PACRG: variants seen among roughly 807,000 people sequenced by gnomAD.
The protein encoded by PACRG is parkin coregulated.
Under a neutral mutation model 29.7 loss-of-function variants are expected in PACRG, and 29 were observed. That is an observed-to-expected ratio of 0.98 (90% confidence interval 0.73 to 1.33). The LOEUF is 1.33. Ranked by LOEUF, PACRG falls within the 40% of genes most tolerant of loss-of-function variation. The pLI is 0.00. For synonymous variants in PACRG, 116 were observed against 118.7 expected (o/e 0.98, Z 0.15); for missense variants, 279 against 316.2 (o/e 0.88, Z 0.89).
At chr6:163,107,484 G>C (rs1393575019) in intron 4 of PACRG, among the ~76,000 whole-genome samples, 4 of 152,300 alleles carry the variant, frequency 2.6e-5, no homozygotes, top group Middle Eastern at 6.8e-3. Flanking sequence ...ACCCCTGCCT[G>C]AATCTCCTGA....
At chr6:163,098,144 C>T (rs1814769324) in intron 4 of PACRG, among the ~76,000 whole-genome samples, 1 of 152,104 alleles carries the variant, frequency 6.6e-6, no homozygotes, top group South Asian at 2.1e-4. Flanking sequence ...GTGTGACTCC[C>T]CAGGTCCCTT....
intron 4 of PACRG, among the ~76,000 whole-genome samples, chr6:163,119,631 G>C (rs1193294613): frequency 3.3e-5 from 5 of 152,202 alleles, no homozygotes; most frequent in Admixed American, 3.3e-4. Context: ...ACCAGATATA[G>C]ACAGGAGATT....
At chr6:162,975,529 T>C (rs540067652) in intron 2 of PACRG, among the ~76,000 whole-genome samples, 6 of 152,240 alleles carry the variant, frequency 3.9e-5, no homozygotes, top group African/African-American at 1.4e-4. Context: ...TAAAGCACTC[T>C]GTTCATTTGT....
intron 4 of PACRG, among the ~76,000 whole-genome samples, chr6:163,242,639 G>T (rs11967397): frequency 0.015 from 2,296 of 152,244 alleles, 61 homozygotes; most frequent in African/African-American, 0.052. Flanking sequence ...GGGGAAATTA[G>T]GATTGCTCAT....
chr6:162,904,804 G>T (rs1795814352), intron 2 of PACRG, among the ~76,000 whole-genome samples: 1 of 152,154 alleles, frequency 6.6e-6, no homozygotes. Context: ...AAGGAAAAAA[G>T]CTTACAAAAG....
At chr6:163,068,328 G>A (rs1396742771) in intron 3 of PACRG, among the ~76,000 whole-genome samples, 1 of 152,164 alleles carries the variant, frequency 6.6e-6, no homozygotes, top group Non-Finnish European at 1.5e-5. Flanking sequence ...GGGAGGTCAT[G>A]TCTCTATCGC....
intron 1 of PACRG, among the ~76,000 whole-genome samples, chr6:162,812,462 C>T (rs1046034835): frequency 3.9e-5 from 6 of 151,982 alleles, no homozygotes; most frequent in South Asian, 2.1e-4. Flanking sequence ...CATTTATGCT[C>T]ATTTAACTTG....
chr6:163,193,562 C>T (rs1233902849), intron 4 of PACRG, among the ~76,000 whole-genome samples: 3 of 152,050 alleles, frequency 2.0e-5, no homozygotes. Context: ...CGGAACAGGG[C>T]GGCATGGTGG....
intron 1 of PACRG, among the ~76,000 whole-genome samples, chr6:162,808,016 T>C (rs536658024): frequency 7.7e-4 from 118 of 152,338 alleles, no homozygotes; most frequent in African/African-American, 2.7e-3. Context: ...TTTGCTATCA[T>C]TGAGACACCT....
intron 1 of PACRG, among the ~76,000 whole-genome samples, chr6:162,733,335 G>A (rs1779917018): frequency 6.6e-6 from 1 of 152,164 alleles, no homozygotes; most frequent in Non-Finnish European, 1.5e-5. Context: ...CTCCGTGAGG[G>A]CAGTATCCAC....
At chr6:163,157,696 G>A (rs1480860596) in intron 4 of PACRG, among the ~76,000 whole-genome samples, 1 of 152,158 alleles carries the variant, frequency 6.6e-6, no homozygotes, top group African/African-American at 2.4e-5. Context: ...AAAAGGACAC[G>A]AACCAATGTT....
At chr6:163,176,787 G>A (rs532949975) in intron 4 of PACRG, among the ~76,000 whole-genome samples, 17 of 152,318 alleles carry the variant, frequency 1.1e-4, no homozygotes, top group African/African-American at 3.6e-4. Flanking sequence ...AGGAAATAGC[G>A]TGAGTAACGT....
intron 4 of PACRG, chr6:163,095,213 C>A: frequency 1.0e-6 from 1 of 969,164 alleles, no homozygotes; most frequent in Non-Finnish European, 1.2e-6. Flanking sequence ...AATGCCTTTC[C>A]TCTTCACTGA....
At chr6:163,108,650 A>G (rs1157663091) in intron 4 of PACRG, among the ~76,000 whole-genome samples, 3 of 151,854 alleles carry the variant, frequency 2.0e-5, no homozygotes, top group Admixed American at 1.3e-4. Flanking sequence ...CAACCTCTCA[A>G]AGTGCTGGGA....
intron 2 of PACRG, among the ~76,000 whole-genome samples, chr6:162,948,468 G>T (rs1317661427): frequency 6.6e-6 from 1 of 152,034 alleles, no homozygotes; most frequent in African/African-American, 2.4e-5. Context: ...TGCTTCAGGA[G>T]ATTGGTCTAG....
intron 2 of PACRG, among the ~76,000 whole-genome samples, chr6:162,911,324 G>T (rs1264386753): frequency 6.6e-6 from 1 of 152,180 alleles, no homozygotes; most frequent in South Asian, 2.1e-4. Context: ...GAAAGTACAA[G>T]TGTGTGAGAT....
chr6:162,874,860 G>C (rs570548130), intron 2 of PACRG, among the ~76,000 whole-genome samples: 2 of 151,694 alleles, frequency 1.3e-5, no homozygotes, highest in Non-Finnish European at 2.9e-5. Flanking sequence ...CATTCACACA[G>C]ATTCTCACAC....
intron 1 of PACRG, among the ~76,000 whole-genome samples, chr6:162,755,811 C>T (rs564331336): frequency 2.6e-5 from 4 of 152,090 alleles, no homozygotes; most frequent in Non-Finnish European, 4.4e-5. Context: ...TCATTCCATA[C>T]GTTTTGGTGT....
rs1343663215 is a variant in PACRG at position 163,055,863 on chromosome 6, C to A, written c.292-6287C>A. Reference sequence around the variant, plus strand: ...CACTTCCCAGAATCCTTTCCCCCAGCTCTTAAGCAGCCACTTTCTGTCTCT... The same window carrying A: ...CACTTCCCAGAATCCTTTCCCCCAGATCTTAAGCAGCCACTTTCTGTCTCT... On this transcript the variant is annotated intron_variant, in intron 2 of 4. Transcript: ENST00000366888. The surrounding 1 kb of genome is among the most constrained non-coding windows in gnomAD (Gnocchi z 4.0). Among the ~76,000 whole-genome samples the A allele has an allele frequency of 2.0e-5, 3 of 152,166 alleles. No homozygotes were observed. The highest frequency in any genetic ancestry group is 4.4e-5 in the Non-Finnish European group (3 of 68,044).
Sources: gnomAD v4.1 joint callset for allele counts (sites outside exome capture counted in the v4.1 genomes callset) on GRCh38, gnomAD v4.1.1 for gene constraint, Gnocchi (gnomAD v3.1) non-coding constraint, MANE v1.5 for transcripts, NCBI Gene and HGNC (gene_info 2026-07-23, HGNC 2026-07-21) for gene names.